Variants in DNAH17 observed in about 807,000 individuals in gnomAD.
DNAH17 encodes dynein axonemal heavy chain 17, also known as axonemal beta dynein heavy chain 17.
DNAH17 carries 376 observed loss-of-function variants against 485.6 expected under a neutral mutation model. That is an observed-to-expected ratio of 0.77 (90% CI 0.71 to 0.84). The LOEUF is 0.84. Ranked by LOEUF, DNAH17 falls within the 40% of genes least tolerant of loss-of-function variation. DNAH17 has a pLI of 0.00. For missense variants in DNAH17, 6,370 were observed against 5,839.3 expected (o/e 1.09, Z -2.96); for synonymous variants, 3,031 against 2,405.9 (o/e 1.26, Z -7.60).
chr17:78,428,655 T>C lies in DNAH17; in HGVS notation c.12458A>G (p.Tyr4153Cys), dbSNP rs756900638. ...ENLPPESPYL[Y>C]GLHPNAEIGF... is the part of the protein sequence containing the mutation. ...AATCTCTGCGTTGGGGTGCAGGCCA[T>C]ACAGATAGGGACTCTCAGGGGGCAG... The change falls in exon 77 of 81, where the codon TAT becomes TGT. Residue 4153 changes from tyrosine to cysteine, a missense_variant. Physicochemically the swap from Tyr to Cys is radical, Grantham distance 194. Coordinates refer to ENST00000389840, the MANE Select transcript of DNAH17 (RefSeq NM_173628.4). 1.9e-6 allele frequency: 3 copies of C among 1,613,956 alleles called. No individual in the cohort carries two copies. The highest frequency in any genetic ancestry group is 2.5e-6 in the Non-Finnish European group (3 of 1,179,888).
In DNAH17 at chr17:78,434,336, T is replaced by TG. The variant is rs201246853; in HGVS notation, c.12034-117dup. On this transcript the variant is annotated intron_variant, in intron 74 of 80. Transcript: ENST00000389840. The stretch of plus-strand genomic sequence containing the variant: ...AGATGCTTTGCTAGGGTGGGGGCGG[T>TG]GGGGGGTACAAAGCTGTGGGCTGTG... 1.9e-3 allele frequency: 1,753 copies of TG among 910,256 alleles called. 21 individuals carry two copies. The African/African-American group carries it at 0.024, about 13-fold the overall frequency. 56.4% of individuals were successfully genotyped at this position (910,256 alleles called of 1,614,324 possible).
At chr17:78,545,615 C>A (rs2091739477) in intron 16 of DNAH17, among the ~76,000 whole-genome samples, 1 of 152,292 alleles carries the variant, frequency 6.6e-6, no homozygotes, top group Middle Eastern at 3.4e-3. Flanking sequence ...AGGGCCACGT[C>A]TCCAAGACCC....
In DNAH17 at chr17:78,489,874, G is replaced by A. The variant is rs550463122; in HGVS notation, c.6818+825C>T. 13 of 151,976 alleles carry A rather than the reference G, an allele frequency of 8.6e-5. 1 individual carries two copies. In the South Asian group the frequency reaches 2.3e-3, roughly 27 times the overall value. The allele number at this position is 151,976 out of a possible 1,614,324, so 9.4% of individuals were successfully genotyped here. A position where few individuals can be genotyped will look rare whatever the true frequency, so the allele number is the denominator to read the frequency against. On this transcript the variant is annotated intron_variant, in intron 44 of 80. Transcript: ENST00000389840. ...GGGTGGGTGGGCGGATGGATGGATG[G>A]ATGGATGAACTGTGACCTCCAGCCA...
chr17:78,500,586 G>A (rs942182069), intron 35 of DNAH17, 125 bp from the exon 36 acceptor site: 12 of 881,386 alleles, frequency 1.4e-5, no homozygotes, highest in Non-Finnish European at 1.8e-5. Flanking sequence ...TTGGCTCACT[G>A]CAACCTCTGC....
In DNAH17 at chr17:78,486,260, G is replaced by A; in HGVS notation, c.7065C>T (p.Cys2355=). The change falls in exon 45 of 81, where the codon TGC becomes TGT. Residue 2355 remains cysteine (C), a synonymous_variant. Transcript: ENST00000389840. ...ELYELYFVFT[C]FWAFGGAMFQ... is the part of the protein sequence containing the mutation. ...ACATGGCGCCACCGAAGGCCCAGAA[G>A]CAGGTGAACACGAAGTACAGCTCGT... is the stretch of plus-strand genomic sequence containing the variant. 1 of 1,600,320 alleles carries A rather than the reference G, an allele frequency of 6.2e-7. No individual in the cohort carries two copies. Among genetic ancestry groups the A allele is most frequent in the African/African-American group, 1.3e-5 (1 of 74,844 alleles).
intron 16 of DNAH17, among the ~76,000 whole-genome samples, chr17:78,548,853 C>T (rs576038675): frequency 6.6e-6 from 1 of 152,238 alleles, no homozygotes; most frequent in Non-Finnish European, 1.5e-5. Flanking sequence ...AGGGCATGTG[C>T]CTGGGAGCCA....
rs373837254 is a variant in DNAH17 at position 78,490,736 on chromosome 17, T to G, written c.6781A>C (p.Ile2261Leu). ...ATPATVSRAG[I>L]LYINPADLGW... ...AGGTCGGCTGGGTTGATGTAGAGGATGCCGGCTCTGGAAACGGTGGCTGGG... is the reference window on the plus strand; with the variant it reads ...AGGTCGGCTGGGTTGATGTAGAGGAGGCCGGCTCTGGAAACGGTGGCTGGG... The change falls in exon 44 of 81, where the codon ATC becomes CTC. Residue 2261 changes from isoleucine (I) to leucine (L), a missense_variant. Transcript: ENST00000389840. 1.0e-5 allele frequency: 16 copies of G among 1,607,726 alleles called. No individual in the cohort carries two copies. The African/African-American group carries it at 1.7e-4, about 17-fold the overall frequency.
intron 17 of DNAH17, among the ~76,000 whole-genome samples, chr17:78,541,360 G>A (rs1327422765): frequency 1.4e-5 from 2 of 147,358 alleles, no homozygotes; most frequent in African/African-American, 5.0e-5. Context: ...AGATGAATGT[G>A]GTGGGTAGAT....
chr17:78,525,683 T>G (rs958683872), intron 24 of DNAH17, among the ~76,000 whole-genome samples: 1 of 152,218 alleles, frequency 6.6e-6, no homozygotes, highest in Non-Finnish European at 1.5e-5. Flanking sequence ...TGCACACACA[T>G]GGACACGCAG....
chr17:78,513,590 C>T (rs1341266122), intron 26 of DNAH17, among the ~76,000 whole-genome samples: 1 of 152,170 alleles, frequency 6.6e-6, no homozygotes, highest in East Asian at 1.9e-4. Flanking sequence ...TGTGCGCTAC[C>T]ACGCTCGGCT....
rs61745194 is a variant in DNAH17, at chr17:78,552,784, C to T, written c.2200G>A (p.Val734Ile). The T allele has an allele frequency of 0.024, 37,902 of 1,611,756 alleles. 533 individuals are homozygous for T. The highest frequency in any genetic ancestry group is 0.027 in the Non-Finnish European group (32,348 of 1,177,826). Residue 734 changes from valine (V) to isoleucine (I), a missense_variant, in exon 15 of 81, where the codon GTA becomes ATA. Val to Ile is a conservative substitution (Grantham distance 29). Transcript: ENST00000389840. ...TCTGACTTTATTAGTAGAAATTCTA[C>T]TGCCTTCACTATAGTCTTTATCTGA... ...YNEIKTIVKA[V>I]EFLLIKSELE...
At position 78,494,673 on chromosome 17, in the gene DNAH17, G is replaced by A; in HGVS notation, c.6190C>T (p.Leu2064=). The change falls in exon 40 of 81, where the codon CTG becomes TTG. Residue 2064 remains leucine, a synonymous_variant. Coordinates refer to ENST00000389840, the MANE Select transcript of DNAH17 (RefSeq NM_173628.4). ...FNIPKIVTDD[L]PVFMGLIGDL... is the part of the protein sequence containing the mutation. ...CCGATCAGTCCCATGAATACGGGCA[G>A]GTCGTCTGTCACAATCTTGGGGATG... 2 of 1,613,980 alleles carry A rather than the reference G, an allele frequency of 1.2e-6. No homozygotes were observed. The highest frequency in any genetic ancestry group is 1.7e-6 in the Non-Finnish European group (2 of 1,179,900).
Position 78,451,607 on chromosome 17 carries a change from C to T in DNAH17, c.10596G>A (p.Lys3532=), listed in dbSNP as rs746831788. The change falls in exon 66 of 81, where the codon AAG becomes AAA. Residue 3532 remains lysine, a synonymous_variant. Transcript: ENST00000389840. ...CTGGCTTGTAGTGTGGGTTGAAGTACTTGGTGTGTAGGATCAGGCGGAACT... is the reference window on the plus strand; with the variant it reads ...CTGGCTTGTAGTGTGGGTTGAAGTATTTGGTGTGTAGGATCAGGCGGAACT... ...HPKFRLILHT[K]YFNPHYKPEM... 3 of 1,609,772 alleles carry T rather than the reference C, an allele frequency of 1.9e-6. No homozygotes were observed. The highest frequency in any genetic ancestry group is 2.5e-6 in the Non-Finnish European group (3 of 1,178,064).
chr17:78,526,699 C>T lies in DNAH17; in HGVS notation c.3663G>A (p.Glu1221=). ...QHEFRERFRR[E]APFSFSDPNP... The stretch of plus-strand genomic sequence containing the variant: ...TGGGGTCGCTGAAGGAGAACGGGGC[C>T]TCGCGCCTGAACCTCTCCCTGAACT... Residue 1221 remains glutamate, a synonymous_variant, in exon 24 of 81, where the codon GAG becomes GAA. Coordinates refer to ENST00000389840, the MANE Select transcript of DNAH17 (RefSeq NM_173628.4). 3 of 1,611,234 alleles carry T rather than the reference C, an allele frequency of 1.9e-6. No individual in the cohort carries two copies. The highest frequency in any genetic ancestry group is 2.5e-6 in the Non-Finnish European group (3 of 1,177,910).
intron 48 of DNAH17, among the ~76,000 whole-genome samples, chr17:78,484,317 G>T (rs1424353474): frequency 6.6e-6 from 1 of 151,758 alleles, no homozygotes; most frequent in Non-Finnish European, 1.5e-5. Flanking sequence ...GCTTCTTCAC[G>T]TGTGGCAGGG....
At chr17:78,499,638 A>G (rs1465661109) in intron 36 of DNAH17, 1 of 152,270 alleles carries the variant, frequency 6.6e-6, no homozygotes, top group African/African-American at 2.4e-5. Flanking sequence ...CTTTTCTAAA[A>G]TCCAGGAGGC....
At chr17:78,501,564 C>T in intron 34 of DNAH17, 178 bp downstream of exon 34, 2 of 1,004,436 alleles carry the variant, frequency 2.0e-6, no homozygotes, top group South Asian at 1.7e-5. Context: ...CATCTGACTG[C>T]TGTGTGTTGC....
intron 51 of DNAH17, among the ~76,000 whole-genome samples, chr17:78,477,535 T>C (rs1477253142): frequency 2.0e-5 from 3 of 152,184 alleles, no homozygotes; most frequent in Non-Finnish European, 4.4e-5. Context: ...CACTCCACCA[T>C]GCCCAGCTAA....
At chr17:78,434,281 CCT>C (rs1427944334) in intron 74 of DNAH17, 61 bp from the exon 75 acceptor site, 64 of 1,514,626 alleles carry the variant, frequency 4.2e-5, no homozygotes, top group Non-Finnish European at 5.0e-5. Flanking sequence ...CAGAAATGCC[CCT>C]GAGGGTGACC....
Sources: gnomAD v4.1 joint callset for allele counts (sites outside exome capture counted in the v4.1 genomes callset) on GRCh38, gnomAD v4.1.1 for gene constraint, MANE v1.5 for transcripts, NCBI Gene and HGNC (gene_info 2026-07-23, HGNC 2026-07-21) for gene names.